The following HMGN5 variants were observed in gnomAD, a reference collection of about 807,000 sequenced individuals.
HMGN5 encodes the protein high mobility group nucleosome-binding domain-containing protein 5.
Under a neutral mutation model 9.5 loss-of-function variants are expected in HMGN5, and 4 were observed. The ratio of observed to expected loss-of-function variants is 0.42; its 90% CI spans 0.21 to 0.96. HMGN5 has a LOEUF of 0.96. HMGN5 is among the 40% of genes least tolerant of loss of function. The pLI, the probability that HMGN5 is intolerant of heterozygous loss-of-function variation, is 0.30. For missense variants in HMGN5, 192 were observed against 187.5 expected, an observed-to-expected ratio of 1.02 and a Z score of -0.14; for synonymous variants, 55 against 57.1, an observed-to-expected ratio of 0.96 and a Z score of 0.16.
At chrX:81,152,447 A>G (rs2075366246) in intron 1 of HMGN5, among the ~76,000 whole-genome samples, 2 of 110,343 alleles carry the variant, frequency 1.8e-5, no homozygotes, top group Admixed American at 1.9e-4. Context: ...ACAATGAGAT[A>G]CCATCTCACA....
intron 1 of HMGN5, among the ~76,000 whole-genome samples, chrX:81,123,059 G>A (rs1184496584): frequency 9.0e-6 from 1 of 111,208 alleles, no homozygotes; most frequent in Non-Finnish European, 1.9e-5. Flanking sequence ...TTGTGTTTAT[G>A]TAGGTTAAAA....
chrX:81,144,249 C>T (rs887728247), intron 1 of HMGN5, among the ~76,000 whole-genome samples: 1 of 111,181 alleles, frequency 9.0e-6, no homozygotes. Context: ...TACAGGAGAG[C>T]TCTCACTGGC....
At chrX:81,189,570 T>C (rs931827600) in intron 1 of HMGN5, among the ~76,000 whole-genome samples, 2 of 112,347 alleles carry the variant, frequency 1.8e-5, no homozygotes, top group African/African-American at 6.5e-5. Flanking sequence ...AGCTCACTTC[T>C]TTTCAGTATC....
intron 1 of HMGN5, among the ~76,000 whole-genome samples, chrX:81,137,217 A>G (rs2075313689): frequency 9.0e-6 from 1 of 111,479 alleles, no homozygotes; most frequent in Non-Finnish European, 1.9e-5. Context: ...GCTGAACAAT[A>G]CAATAAACCA....
intron 1 of HMGN5, among the ~76,000 whole-genome samples, chrX:81,187,581 C>T (rs1406349296): frequency 9.0e-6 from 1 of 111,018 alleles, no homozygotes; most frequent in Non-Finnish European, 1.9e-5. Context: ...TGTTTTCGAT[C>T]CATGTGCACC....
chrX:81,137,254 C>T (rs1453296216), intron 1 of HMGN5, among the ~76,000 whole-genome samples: 1 of 111,139 alleles, frequency 9.0e-6, no homozygotes, highest in Non-Finnish European at 1.9e-5. Context: ...ATAGATATAA[C>T]ACTCCACATG....
At chrX:81,123,294 G>A (rs997094081) in intron 1 of HMGN5, among the ~76,000 whole-genome samples, 1 of 110,663 alleles carries the variant, frequency 9.0e-6, no homozygotes, top group Admixed American at 9.7e-5. Flanking sequence ...CAGGTAGAAT[G>A]AGCCTGCGTG....
At chrX:81,131,038 A>T (rs969392049) in intron 1 of HMGN5, among the ~76,000 whole-genome samples, 1 of 111,676 alleles carries the variant, frequency 9.0e-6, no homozygotes, top group Admixed American at 9.6e-5. Flanking sequence ...TAAGTAAAGG[A>T]ATTACTAATA....
chrX:81,155,891 C>T (rs1331403780), intron 1 of HMGN5, among the ~76,000 whole-genome samples: 2 of 110,949 alleles, frequency 1.8e-5, no homozygotes, highest in African/African-American at 6.6e-5. Context: ...TAGAACTTAA[C>T]ACACACACAC....
intron 1 of HMGN5, among the ~76,000 whole-genome samples, chrX:81,184,863 C>T (rs2075472906): frequency 8.9e-6 from 1 of 111,771 alleles, no homozygotes; most frequent in African/African-American, 3.3e-5. Context: ...GTTTTCTCAA[C>T]ACCATTTATT....
intron 3 of HMGN5, among the ~76,000 whole-genome samples, chrX:81,119,447 G>T (rs1352784804): frequency 9.0e-6 from 1 of 111,676 alleles, no homozygotes; most frequent in Non-Finnish European, 1.9e-5. Context: ...ACTTTCTAAA[G>T]TAAGCAACAT....
rs529500814 is a variant in HMGN5 at position 81,153,018 on chromosome X, A to T, written c.-123-31346T>A. Among the ~76,000 whole-genome samples, 3 of 75,157 alleles carry T rather than the reference A, an allele frequency of 4.0e-5. No individual in the cohort carries two copies. In the East Asian group the frequency reaches 1.5e-3, roughly 39 times the overall value. The allele number at this position is 75,157 out of a possible 115,157, so 65.3% of individuals were successfully genotyped here. A position where few individuals can be genotyped will look rare whatever the true frequency, so the allele number is the denominator to read the frequency against. On this transcript the variant is annotated intron_variant, in intron 1 of 6. Transcript: ENST00000358130. ...TGTGGGGTGGGGGGAGGGGGGAGGG[A>T]TAGCATTGGGAGATATACCTAATGC... is the stretch of plus-strand genomic sequence containing the variant.
intron 1 of HMGN5, among the ~76,000 whole-genome samples, chrX:81,147,404 T>C (rs187414661): frequency 8.9e-5 from 10 of 111,832 alleles, no homozygotes; most frequent in Admixed American, 1.9e-4. Context: ...ACCACGTGAT[T>C]ATTTAAATTG....
intron 1 of HMGN5, among the ~76,000 whole-genome samples, chrX:81,186,945 C>A (rs900007227): frequency 9.0e-6 from 1 of 111,604 alleles, no homozygotes; most frequent in African/African-American, 3.3e-5. Flanking sequence ...TTCCTAATTT[C>A]TTTACTGATC....
Position 81,114,474 on chromosome X carries a change from T to C in HMGN5, c.*175A>G, listed in dbSNP as rs779160044. 4.7e-5 allele frequency: 19 copies of C among 403,920 alleles called. No individual in the cohort carries two copies. The East Asian group carries it at 8.7e-4, about 19-fold the overall frequency. 33.3% of individuals were successfully genotyped at this position (403,920 alleles called of 1,213,427 possible). ...CTACTATAATCACAAAATTTATAGA[T>C]AAATGTTTCATGTTAGAAACTTTAT... On this transcript the variant is annotated 3_prime_UTR_variant, in exon 7 of 7. Transcript: ENST00000358130.
intron 1 of HMGN5, among the ~76,000 whole-genome samples, chrX:81,193,303 T>C (rs1208319271): frequency 1.8e-5 from 2 of 112,126 alleles, no homozygotes; most frequent in Non-Finnish European, 3.8e-5. Flanking sequence ...GAAGCCATAT[T>C]CAGGCACTCT....
In HMGN5 at chrX:81,158,372, G is replaced by C. The variant is rs750268913; in HGVS notation, c.-123-36700C>G. ...TCTAATAATCACCATTCTGACTGGC[G>C]TGAGATGGTATCTCATTGTGGTTTT... On this transcript the variant is annotated intron_variant, in intron 1 of 6. Transcript: ENST00000358130. Among the ~76,000 whole-genome samples the C allele has an allele frequency of 1.8e-3, 200 of 111,963 alleles. 1 individual carries two copies. The highest frequency in any genetic ancestry group is 4.0e-3 in the Admixed American group (42 of 10,565).
At chrX:81,151,108 T>C (rs2075360736) in intron 1 of HMGN5, among the ~76,000 whole-genome samples, 1 of 112,187 alleles carries the variant, frequency 8.9e-6, no homozygotes, top group Non-Finnish European at 1.9e-5. Flanking sequence ...AACCTCATTC[T>C]ACAAGGCTAT....
At chrX:81,117,685 A>G (rs1428809623) in intron 5 of HMGN5, among the ~76,000 whole-genome samples, 1 of 111,589 alleles carries the variant, frequency 9.0e-6, no homozygotes. Flanking sequence ...ACCATTAAAT[A>G]TATCAATTAT....
Sources: gnomAD v4.1 joint callset for allele counts (sites outside exome capture counted in the v4.1 genomes callset) on GRCh38, gnomAD v4.1.1 for gene constraint, MANE v1.5 for transcripts, NCBI Gene and HGNC (gene_info 2026-07-23, HGNC 2026-07-21) for gene names.